The following NXN variants were observed in gnomAD, a reference collection of about 807,000 sequenced individuals.
NXN encodes nucleoredoxin.
In NXN, 16 loss-of-function variants were observed where a neutral mutation model predicts 48.6. That is an observed-to-expected ratio of 0.33 (90% confidence interval 0.22 to 0.50). NXN has a LOEUF of 0.50. Ranked by LOEUF, NXN falls within the 20% of genes least tolerant of loss-of-function variation. The pLI, the probability that NXN is intolerant of heterozygous loss-of-function variation, is 0.98. For synonymous variants in NXN, 281 were observed against 269.6 expected (o/e 1.04, Z -0.41); for missense variants, 492 against 605.5 (o/e 0.81, Z 1.97).
In NXN at chr17:922,777, G is replaced by C. The variant is rs377129519; in HGVS notation, c.360+56542C>G. 8.8e-4 allele frequency among the ~76,000 whole-genome samples: 133 copies of C among 151,902 alleles called. 4 individuals are homozygous for C. In the South Asian group the frequency reaches 0.02, roughly 23 times the overall value. ...AGCGATTCTCCTGCCTCGGCCTCCC[G>C]AGTAGCTGGGACTACAGGTGCCCGC... On this transcript the variant is annotated intron_variant, in intron 1 of 7. Transcript: ENST00000336868.
chr17:897,077 G>A, intron 1 of NXN: 1 of 1,059,164 alleles, frequency 9.4e-7, no homozygotes, highest in Non-Finnish European at 1.1e-6. Flanking sequence ...TGACAGCCAG[G>A]GACTGGTAAC....
chr17:915,514 G>A (rs1289502155), intron 1 of NXN, among the ~76,000 whole-genome samples: 7 of 151,086 alleles, frequency 4.6e-5, no homozygotes, highest in Non-Finnish European at 8.9e-5. Context: ...CAAACTCTTG[G>A]GCTCAGGCAA....
intron 1 of NXN, among the ~76,000 whole-genome samples, chr17:882,410 A>G (rs541529663): frequency 6.6e-6 from 1 of 152,078 alleles, no homozygotes; most frequent in Non-Finnish European, 1.5e-5. Context: ...AATGAGGCGG[A>G]GCCCTCCCCC....
chr17:812,667 T>TGAGTGA (rs1912158071), intron 5 of NXN, among the ~76,000 whole-genome samples: 1 of 151,088 alleles, frequency 6.6e-6, no homozygotes, highest in Non-Finnish European at 1.5e-5. Context: ...ACTGTAGGTG[T>TGAGTGA]GTGTGAGTGT....
chr17:856,094 G>A (rs964649763), intron 1 of NXN, among the ~76,000 whole-genome samples: 6 of 152,072 alleles, frequency 3.9e-5, no homozygotes, highest in African/African-American at 1.4e-4. Context: ...TCTGGAGGCT[G>A]AGGCAGGAGA....
At chr17:872,613 C>CTTTTTTTTT (rs34081114) in intron 1 of NXN, among the ~76,000 whole-genome samples, 8 of 75,418 alleles carry the variant, frequency 1.1e-4, no homozygotes, top group South Asian at 6.6e-4. Flanking sequence ...CGGGTGAGAT[C>CTTTTTTTTT]TTTTTTTTTT....
At chr17:801,176 A>G in intron 7 of NXN, 45 bp from the exon 8 acceptor site, 1 of 1,441,082 alleles carries the variant, frequency 6.9e-7, no homozygotes, top group South Asian at 1.5e-5. Flanking sequence ...TTTTAAAGAA[A>G]GGAGGGGGAG....
At chr17:820,607 G>A (rs1912778908) in intron 4 of NXN, among the ~76,000 whole-genome samples, 2 of 42,470 alleles carry the variant, frequency 4.7e-5, no homozygotes, top group Non-Finnish European at 3.8e-5. Context: ...GCGAGACTCT[G>A]TCTCAAAAAA....
intron 1 of NXN, among the ~76,000 whole-genome samples, chr17:842,172 A>G (rs1353823227): frequency 6.6e-6 from 1 of 151,978 alleles, no homozygotes; most frequent in African/African-American, 2.4e-5. Flanking sequence ...CACCCTTCCA[A>G]TTAAACCTGC....
chr17:956,628 T>G lies in NXN; in HGVS notation c.360+22691A>C, dbSNP rs1330990365. Among the ~76,000 whole-genome samples, 1 of 152,132 alleles carries G rather than the reference T, an allele frequency of 6.6e-6. No individual in the cohort carries two copies. Among genetic ancestry groups the G allele is most frequent in the Non-Finnish European group, 1.5e-5 (1 of 68,024 alleles). ...TGGGGTTTCACCGTGTTAGCCAGGATGGTCTCGATCTCCAGACCTCAGGTG... is the reference window on the plus strand; with the variant it reads ...TGGGGTTTCACCGTGTTAGCCAGGAGGGTCTCGATCTCCAGACCTCAGGTG... On this transcript the variant is annotated intron_variant, in intron 1 of 7. Transcript: ENST00000336868. This position sits in a 1 kb window ranked among gnomAD's most constrained non-coding sequence, Gnocchi z 4.1.
At chr17:870,403 T>G (rs1166761722) in intron 1 of NXN, among the ~76,000 whole-genome samples, 2 of 149,768 alleles carry the variant, frequency 1.3e-5, no homozygotes, top group African/African-American at 4.9e-5. Context: ...GTGATCAGAG[T>G]GAGGCGGCCT....
At chr17:936,115 C>G (rs539222075) in intron 1 of NXN, among the ~76,000 whole-genome samples, 60 of 131,156 alleles carry the variant, frequency 4.6e-4, no homozygotes, top group African/African-American at 1.6e-3. Flanking sequence ...AAAAAAACCT[C>G]CAGCTCCTGC....
At chr17:843,197 C>T (rs190227482) in intron 1 of NXN, among the ~76,000 whole-genome samples, 15 of 152,302 alleles carry the variant, frequency 9.8e-5, no homozygotes, top group African/African-American at 1.7e-4. Context: ...ATGTGCCGAA[C>T]GCAAAGTATT....
intron 1 of NXN, among the ~76,000 whole-genome samples, chr17:840,167 C>T (rs574967206): frequency 1.1e-3 from 174 of 152,070 alleles, no homozygotes; most frequent in Non-Finnish European, 2.1e-3. Flanking sequence ...ATATGATGTT[C>T]CCTGTAACCC....
intron 3 of NXN, among the ~76,000 whole-genome samples, chr17:822,837 C>G (rs138241694): frequency 6.6e-6 from 1 of 152,204 alleles, no homozygotes; most frequent in Non-Finnish European, 1.5e-5. Context: ...CAGTGGCTCA[C>G]GCCTGTCACC....
intron 1 of NXN, among the ~76,000 whole-genome samples, chr17:948,445 G>T (rs2069070198): frequency 6.6e-6 from 1 of 152,120 alleles, no homozygotes; most frequent in Admixed American, 6.5e-5. Context: ...AGCAACTTTG[G>T]CATCACGGGA....
chr17:893,121 G>A (rs1481484578), intron 1 of NXN, among the ~76,000 whole-genome samples: 1 of 152,266 alleles, frequency 6.6e-6, no homozygotes, highest in African/African-American at 2.4e-5. Context: ...GTTCCACTTG[G>A]CAGATGCGGA....
At chr17:841,928 G>A (rs975994540) in intron 1 of NXN, among the ~76,000 whole-genome samples, 23 of 152,186 alleles carry the variant, frequency 1.5e-4, no homozygotes, top group Non-Finnish European at 2.9e-4. Flanking sequence ...CCTGAGCTCA[G>A]GAGTTGGAGG....
At chr17:974,866 G>A (rs1240819546) in intron 1 of NXN, among the ~76,000 whole-genome samples, 2 of 151,112 alleles carry the variant, frequency 1.3e-5, no homozygotes, top group Non-Finnish European at 3.0e-5. Context: ...TTGCTGTGTT[G>A]TCCTGGCTGG....
Sources: allele counts gnomAD v4.1 joint callset (sites outside exome capture counted in the v4.1 genomes callset), GRCh38; gene constraint gnomAD v4.1.1; non-coding constraint Gnocchi (gnomAD v3.1); transcripts MANE v1.5; gene names NCBI Gene and HGNC (gene_info 2026-07-23, HGNC 2026-07-21).